Variants in PTPRR observed in about 807,000 individuals in gnomAD.
The protein encoded by PTPRR is receptor-type tyrosine-protein phosphatase R.
A neutral mutation model predicts 77.2 loss-of-function variants in PTPRR; 38 were observed. The observed-to-expected ratio is 0.49, with a 90% CI of 0.38 to 0.65. The LOEUF (loss-of-function observed/expected upper bound fraction) is 0.65. Ranked by LOEUF, PTPRR falls within the 30% of genes least tolerant of loss-of-function variation. The pLI is 0.00. For synonymous variants in PTPRR, 299 were observed against 283.1 expected (o/e 1.06, Z -0.57); for missense variants, 744 against 799.2 (o/e 0.93, Z 0.83).
At chr12:70,681,854 A>G (rs987069358) in intron 10 of PTPRR, among the ~76,000 whole-genome samples, 2 of 152,126 alleles carry the variant, frequency 1.3e-5, no homozygotes, top group African/African-American at 4.8e-5. Flanking sequence ...GGGCGTTACC[A>G]ACCTAGTATT....
chr12:70,730,841 T>A (rs1288771946), intron 6 of PTPRR, among the ~76,000 whole-genome samples: 33 of 127,068 alleles, frequency 2.6e-4, no homozygotes, highest in Non-Finnish European at 4.9e-4. Context: ...GGAGAGAGAA[T>A]GAGAGAGAGC....
chr12:70,665,674 G>T (rs1178121691), intron 10 of PTPRR, among the ~76,000 whole-genome samples: 3 of 151,440 alleles, frequency 2.0e-5, no homozygotes, highest in African/African-American at 7.3e-5. Flanking sequence ...GAGCCACTGC[G>T]CCCGGCCGCC....
rs1473540262 is a variant in PTPRR, at chr12:70,835,604, A to G, written c.357+57075T>C. Among the ~76,000 whole-genome samples the G allele has an allele frequency of 2.0e-5, 3 of 152,124 alleles. No individual in the cohort carries two copies. The East Asian group carries it at 5.8e-4, about 29-fold the overall frequency. On this transcript the variant is annotated intron_variant, in intron 2 of 13. Transcript: ENST00000283228. ...ATTAAAAACTGACTCTAAAGTATTGAGCACATGGTAAAGAAAACTGGTAGA... is the reference window on the plus strand; with the variant it reads ...ATTAAAAACTGACTCTAAAGTATTGGGCACATGGTAAAGAAAACTGGTAGA...
chr12:70,733,779 A>G (rs1300453568), intron 6 of PTPRR, among the ~76,000 whole-genome samples: 1 of 152,222 alleles, frequency 6.6e-6, no homozygotes, highest in African/African-American at 2.4e-5. Context: ...TGTTACAGAA[A>G]AAACCCACAT....
chr12:70,865,908 C>A (rs1248987996), intron 2 of PTPRR, among the ~76,000 whole-genome samples: 1 of 151,996 alleles, frequency 6.6e-6, no homozygotes. Flanking sequence ...ACTGTTATAC[C>A]AGATCTCTTA....
chr12:70,851,261 C>A (rs11178453), intron 2 of PTPRR, among the ~76,000 whole-genome samples: 18,312 of 152,046 alleles, frequency 0.12, 2,030 homozygotes, highest in African/African-American at 0.3. Flanking sequence ...AATAATGACC[C>A]TCTGGTAAAA....
At chr12:70,868,506 AG>A in intron 2 of PTPRR, among the ~76,000 whole-genome samples, 1 of 152,194 alleles carries the variant, frequency 6.6e-6, no homozygotes, top group Non-Finnish European at 1.5e-5. Flanking sequence ...CACACCAGTT[AG>A]AATGGCAATC....
chr12:70,766,213 T>C (rs527758703), intron 2 of PTPRR, among the ~76,000 whole-genome samples: 102 of 152,254 alleles, frequency 6.7e-4, no homozygotes, highest in Non-Finnish European at 1.0e-3. Flanking sequence ...ATGAAACTAC[T>C]CCGAGCTACA....
chr12:70,760,900 G>A (rs1318430488), intron 4 of PTPRR, among the ~76,000 whole-genome samples: 2 of 152,180 alleles, frequency 1.3e-5, no homozygotes, highest in Non-Finnish European at 2.9e-5. Context: ...GGTGGAGGTG[G>A]TAGAGGAAAT....
chr12:70,813,913 G>A (rs1445062673), intron 2 of PTPRR, among the ~76,000 whole-genome samples: 3 of 152,256 alleles, frequency 2.0e-5, no homozygotes, highest in East Asian at 3.9e-4. Flanking sequence ...CCTGAGGCAG[G>A]GGGAATAAAA....
At chr12:70,742,010 G>A (rs1047971708) in intron 6 of PTPRR, among the ~76,000 whole-genome samples, 4 of 152,196 alleles carry the variant, frequency 2.6e-5, no homozygotes, top group African/African-American at 9.6e-5. Flanking sequence ...AGAGAGAAAA[G>A]GAGAAAGCAA....
intron 10 of PTPRR, among the ~76,000 whole-genome samples, chr12:70,666,907 CCA>C (rs1887017790): frequency 7.2e-6 from 1 of 138,728 alleles, no homozygotes. Flanking sequence ...CTCACATTGA[CCA>C]TTTTTGATTA....
intron 2 of PTPRR, among the ~76,000 whole-genome samples, chr12:70,795,436 CTAAAA>C (rs1891494633): frequency 6.6e-6 from 1 of 152,150 alleles, no homozygotes; most frequent in Admixed American, 6.5e-5. Context: ...CATAGTAACT[CTAAAA>C]TAAGATAAAT....
At position 70,673,198 on chromosome 12, in the gene PTPRR, A is replaced by G. The variant is rs572067056; in HGVS notation, c.1498-10593T>C. ...ACATCATCCCTATTGGATTTCTTTA[A>G]AATATGTCACATATTACACACCCTC... On this transcript the variant is annotated intron_variant, in intron 10 of 13. Coordinates refer to ENST00000283228, the MANE Select transcript of PTPRR (RefSeq NM_002849.4). Among the ~76,000 whole-genome samples, 5 of 152,262 alleles carry G rather than the reference A, an allele frequency of 3.3e-5. No individual in the cohort carries two copies. In the East Asian group the frequency reaches 9.7e-4, roughly 29 times the overall value.
intron 6 of PTPRR, among the ~76,000 whole-genome samples, chr12:70,714,044 A>T (rs1888929673): frequency 6.6e-6 from 1 of 152,118 alleles, no homozygotes; most frequent in Non-Finnish European, 1.5e-5. Context: ...GACACAGCAT[A>T]GATTAAAAGT....
At chr12:70,818,180 G>C (rs946714244) in intron 2 of PTPRR, among the ~76,000 whole-genome samples, 4 of 147,188 alleles carry the variant, frequency 2.7e-5, no homozygotes, top group African/African-American at 1.0e-4. Flanking sequence ...AGGTTGCAGT[G>C]AGCCAAGATC....
At chr12:70,874,837 G>A (rs1430519333) in intron 2 of PTPRR, among the ~76,000 whole-genome samples, 1 of 147,286 alleles carries the variant, frequency 6.8e-6, no homozygotes, top group Non-Finnish European at 1.5e-5. Context: ...CAGGGGAATC[G>A]CTTGAACCCA....
chr12:70,830,897 G>A (rs997322736), intron 2 of PTPRR, among the ~76,000 whole-genome samples: 6 of 152,156 alleles, frequency 3.9e-5, no homozygotes, highest in African/African-American at 1.4e-4. Context: ...GTCCATGAAG[G>A]GAAGGACTCT....
chr12:70,808,557 C>T (rs1449376787), intron 2 of PTPRR, among the ~76,000 whole-genome samples: 3 of 151,400 alleles, frequency 2.0e-5, no homozygotes, highest in African/African-American at 7.4e-5. Flanking sequence ...CTCAGACTGG[C>T]CAACACTTAG....
Sources: allele counts gnomAD v4.1 joint callset (sites outside exome capture counted in the v4.1 genomes callset), GRCh38; gene constraint gnomAD v4.1.1; transcripts MANE v1.5; gene names NCBI Gene and HGNC (gene_info 2026-07-23, HGNC 2026-07-21).